The following SHANK2 variants were observed in gnomAD, a reference collection of about 807,000 sequenced individuals.
The protein encoded by SHANK2 is SH3 and multiple ankyrin repeat domains 2.
A neutral mutation model predicts 133.7 loss-of-function variants in SHANK2; 43 were observed. The observed-to-expected ratio is 0.32, with a 90% CI of 0.25 to 0.41. The LOEUF is 0.41. Among genes scored for constraint, SHANK2 ranks in the 10% least tolerant of loss-of-function variants. The probability of loss-of-function intolerance (pLI) is 1.00; values close to 1 mark genes in which losing one functional copy is unlikely to be tolerated. For synonymous variants in SHANK2, 1,017 were observed against 952.8 expected (o/e 1.07, Z -1.24); for missense variants, 1,994 against 2,235.8 (o/e 0.89, Z 2.18).
intron 1 of SHANK2, among the ~76,000 whole-genome samples, chr11:71,239,065 G>A (rs1397432381): frequency 6.6e-6 from 1 of 152,280 alleles, no homozygotes; most frequent in Non-Finnish European, 1.5e-5. Flanking sequence ...ATGCTCAGGG[G>A]TCTTGAGCAA....
intron 17 of SHANK2, 131 bp from the exon 18 acceptor site, chr11:70,503,062 G>C: frequency 9.9e-7 from 1 of 1,006,180 alleles, no homozygotes; most frequent in Non-Finnish European, 1.6e-6. Flanking sequence ...GAGTGAGACC[G>C]TCATCTTTTT....
chr11:70,818,170 T>C (rs922158754), intron 12 of SHANK2, among the ~76,000 whole-genome samples: 1 of 152,152 alleles, frequency 6.6e-6, no homozygotes, highest in South Asian at 2.1e-4. Flanking sequence ...CTGGCCACCA[T>C]GATGACCACA....
intron 17 of SHANK2, among the ~76,000 whole-genome samples, chr11:70,608,750 C>G (rs1177788629): frequency 6.6e-6 from 1 of 152,240 alleles, no homozygotes; most frequent in Non-Finnish European, 1.5e-5. Flanking sequence ...AAAGCTCGTG[C>G]TATTTAGTCT....
At chr11:70,576,173 C>T (rs1218227458) in intron 17 of SHANK2, among the ~76,000 whole-genome samples, 2 of 152,088 alleles carry the variant, frequency 1.3e-5, no homozygotes, top group Non-Finnish European at 2.9e-5. Flanking sequence ...TCTTACAAGC[C>T]CTTTGTTGTC....
chr11:71,143,199 C>T (rs1952588201), intron 3 of SHANK2, among the ~76,000 whole-genome samples: 1 of 152,184 alleles, frequency 6.6e-6, no homozygotes, highest in African/African-American at 2.4e-5. Context: ...CACGCCACTG[C>T]ACACCAGCCT....
rs1249397044 is a variant in SHANK2, at chr11:70,699,767, C to CCCTTTT, written c.1778-1010_1778-1005dup. Among the ~76,000 whole-genome samples, 8 of 152,358 alleles carry CCCTTTT rather than the reference C, an allele frequency of 5.3e-5. No individual in the cohort carries two copies. In the East Asian group the frequency reaches 1.5e-3, roughly 29 times the overall value. ...AAAGCACATGTTCCAAGAACCCTTTCCCTTTTCCAGCAGTGTGGTGTTGCC... is the reference window on the plus strand; with the variant it reads ...AAAGCACATGTTCCAAGAACCCTTTCCCTTTTCCTTTTCCAGCAGTGTGGTGTTGCC... On this transcript the variant is annotated intron_variant, in intron 14 of 25. Transcript: ENST00000601538.
intron 5 of SHANK2, among the ~76,000 whole-genome samples, chr11:71,111,668 T>C (rs1951893739): frequency 6.6e-6 from 1 of 152,246 alleles, no homozygotes; most frequent in South Asian, 2.1e-4. Flanking sequence ...TTCAACCTCC[T>C]GGCACGTGCT....
chr11:70,665,137 A>G (rs1555014561), intron 15 of SHANK2, among the ~76,000 whole-genome samples: 2 of 152,078 alleles, frequency 1.3e-5, no homozygotes, highest in African/African-American at 2.4e-5. Flanking sequence ...AATGCACCCA[A>G]GAACTTAGTT....
chr11:70,951,077 G>A (rs1272101869), intron 10 of SHANK2: 1 of 313,594 alleles, frequency 3.2e-6, no homozygotes, highest in Admixed American at 4.8e-5. Context: ...CAAAGAAGTA[G>A]AGAGGAGTTG....
At position 71,133,584 on chromosome 11, in the gene SHANK2, T is replaced by C. The variant is rs114829988; in HGVS notation, c.207+13536A>G. On this transcript the variant is annotated intron_variant, in intron 3 of 25. Coordinates refer to ENST00000601538, the MANE Select transcript of SHANK2 (RefSeq NM_012309.5). ...TGAGTGGAGGGGGGATGTGGATGGATTGGAGGGTCAGGGGATGGGTGGGTA... is the reference window on the plus strand; with the variant it reads ...TGAGTGGAGGGGGGATGTGGATGGACTGGAGGGTCAGGGGATGGGTGGGTA... 8.5e-3 allele frequency among the ~76,000 whole-genome samples: 1,279 copies of C among 150,574 alleles called. 26 individuals are homozygous for C. The highest frequency in any genetic ancestry group is 0.03 in the African/African-American group (1,246 of 40,878).
intron 10 of SHANK2, among the ~76,000 whole-genome samples, chr11:70,955,066 T>C (rs1555087488): frequency 6.6e-6 from 1 of 152,244 alleles, no homozygotes. Context: ...CTTTGTCGTT[T>C]CCCTCCCATT....
At chr11:71,073,252 G>A (rs1488820200) in intron 9 of SHANK2, among the ~76,000 whole-genome samples, 20 of 145,148 alleles carry the variant, frequency 1.4e-4, no homozygotes, top group African/African-American at 4.3e-4. Context: ...TCCGCCTCCC[G>A]GGTTCAAGCA....
chr11:70,581,620 G>A (rs991935656), intron 17 of SHANK2, among the ~76,000 whole-genome samples: 2 of 152,252 alleles, frequency 1.3e-5, no homozygotes, highest in Non-Finnish European at 1.5e-5. Flanking sequence ...GAACCCGGGA[G>A]GCGGAGGTTG....
chr11:70,654,504 C>G (rs1555011006), intron 17 of SHANK2: 1 of 152,134 alleles, frequency 6.6e-6, no homozygotes, highest in Non-Finnish European at 1.5e-5. Flanking sequence ...TTTTTGTTTT[C>G]TATTCTATGA....
chr11:70,756,641 G>T (rs1946879595), intron 14 of SHANK2, among the ~76,000 whole-genome samples: 1 of 152,306 alleles, frequency 6.6e-6, no homozygotes, highest in Non-Finnish European at 1.5e-5. Flanking sequence ...CCTGCTTTCT[G>T]CCACTAGCAG....
chr11:71,080,996 A>C (rs1374719713), intron 8 of SHANK2, among the ~76,000 whole-genome samples: 1 of 152,196 alleles, frequency 6.6e-6, no homozygotes, highest in Non-Finnish European at 1.5e-5. Context: ...CATGCGTTGG[A>C]GTCCCCACCC....
At chr11:71,207,501 C>T (rs1249568746) in intron 2 of SHANK2, among the ~76,000 whole-genome samples, 1 of 152,160 alleles carries the variant, frequency 6.6e-6, no homozygotes, top group Non-Finnish European at 1.5e-5. Flanking sequence ...TTATTTCTAA[C>T]AGTCTCAGAT....
In SHANK2 at chr11:70,797,728, C is replaced by T. The variant is rs140996917; in HGVS notation, c.1777+715G>A. Among the ~76,000 whole-genome samples the T allele has an allele frequency of 2.8e-3, 421 of 152,246 alleles. 3 individuals are homozygous for T. Among genetic ancestry groups the T allele is most frequent in the African/African-American group, 9.9e-3 (411 of 41,554 alleles). On this transcript the variant is annotated intron_variant, in intron 14 of 25. Coordinates refer to ENST00000601538, the MANE Select transcript of SHANK2 (RefSeq NM_012309.5). Reference sequence around the variant, plus strand: ...CCGCAGCGTCCGTGGCCACTTGACACGTGTTCTGTGAGCCTGGGATTCTAC... The same window carrying T: ...CCGCAGCGTCCGTGGCCACTTGACATGTGTTCTGTGAGCCTGGGATTCTAC...
rs567594166 is a variant in SHANK2, at chr11:70,903,038, T to C, written c.1108-6471A>G. 6.6e-5 allele frequency among the ~76,000 whole-genome samples: 10 copies of C among 152,248 alleles called. No homozygotes were observed. In the South Asian group the frequency reaches 1.9e-3, roughly 28 times the overall value. On this transcript the variant is annotated intron_variant, in intron 10 of 25. Transcript: ENST00000601538. ...TCCATCTATTCTCCCAACTCAAGAA[T>C]TGACAACCATCTCCTCCTTAGCACC...
Sources: gnomAD v4.1 joint callset for allele counts (sites outside exome capture counted in the v4.1 genomes callset) on GRCh38, gnomAD v4.1.1 for gene constraint, MANE v1.5 for transcripts, NCBI Gene and HGNC (gene_info 2026-07-23, HGNC 2026-07-21) for gene names.